The following DOCK9 variants were observed in gnomAD, a reference collection of about 807,000 sequenced individuals.
DOCK9 encodes the protein dedicator of cytokinesis 9.
In DOCK9, 89 loss-of-function variants were observed where a neutral mutation model predicts 263.3. That is an observed-to-expected ratio of 0.34 (90% CI 0.28 to 0.40). The LOEUF (loss-of-function observed/expected upper bound fraction) is 0.40, where lower values mean the gene tolerates loss of function less well. DOCK9 is among the 10% of genes least tolerant of loss of function. DOCK9 has a pLI of 1.00. For missense variants in DOCK9, 2,140 were observed against 2,603.4 expected (o/e 0.82, Z 3.87); for synonymous variants, 976 against 973.1 (o/e 1.00, Z -0.06).
intron 50 of DOCK9, 127 bp downstream of exon 50, chr13:98,800,161 G>T: frequency 9.9e-7 from 1 of 1,008,686 alleles, no homozygotes. Flanking sequence ...AGACGTTGGG[G>T]GAAGGGAGCA....
At chr13:99,063,449 C>T (rs545905415) in intron 1 of DOCK9, among the ~76,000 whole-genome samples, 2 of 152,208 alleles carry the variant, frequency 1.3e-5, no homozygotes, top group Non-Finnish European at 2.9e-5. Context: ...CTCCACCCTG[C>T]GACTCCCACA....
chr13:98,805,482 C>T (rs933833531), intron 48 of DOCK9, among the ~76,000 whole-genome samples: 6 of 151,986 alleles, frequency 3.9e-5, no homozygotes, highest in African/African-American at 7.3e-5. Flanking sequence ...AAGTGGTACA[C>T]GTCAGGATAC....
chr13:98,894,620 T>C (rs1437661346), intron 15 of DOCK9, among the ~76,000 whole-genome samples: 2 of 151,988 alleles, frequency 1.3e-5, no homozygotes, highest in Non-Finnish European at 2.9e-5. Context: ...TTGAAATCTA[T>C]CCAACTAAAG....
intron 12 of DOCK9, 91 bp downstream of exon 12, chr13:98,902,197 A>G: frequency 7.3e-7 from 1 of 1,373,492 alleles, no homozygotes; most frequent in Non-Finnish European, 9.9e-7. Flanking sequence ...CCACTTGTGC[A>G]TTACAAGGTC....
intron 1 of DOCK9, among the ~76,000 whole-genome samples, chr13:99,012,317 C>T (rs1343356276): frequency 6.6e-6 from 1 of 152,130 alleles, no homozygotes. Context: ...CTAGGCAGAC[C>T]AGGCATGTGG....
At chr13:98,979,449 G>A (rs949180301), upstream of DOCK9, among the ~76,000 whole-genome samples, 1 of 151,982 alleles carries the variant, frequency 6.6e-6, no homozygotes, top group African/African-American at 2.4e-5. Context: ...CCCAGTCCTC[G>A]CACAGCCGCC....
At chr13:98,879,386 CAG>C (rs1336363584) in intron 27 of DOCK9, among the ~76,000 whole-genome samples, 4 of 152,170 alleles carry the variant, frequency 2.6e-5, no homozygotes, top group Non-Finnish European at 1.5e-5. Context: ...TGGATAATCT[CAG>C]AGTCTGTTGA....
chr13:98,826,323 C>T (rs2092533821), intron 44 of DOCK9, among the ~76,000 whole-genome samples: 1 of 152,230 alleles, frequency 6.6e-6, no homozygotes, highest in Admixed American at 6.5e-5. Context: ...TCATGGCCTG[C>T]TCATCTGGGC....
In DOCK9 at chr13:98,831,474, C is replaced by T. The variant is rs1218450642; in HGVS notation, c.4509G>A (p.Glu1503=). Residue 1503 remains glutamate (E), a synonymous_variant, in exon 41 of 53, where the codon GAG becomes GAA. Coordinates refer to ENST00000682017, the MANE Select transcript of DOCK9 (RefSeq NM_001366683.2). ...GCTTGGAGTTACAGCACTTGAGAATCTCGTAACACAGAGCCGCACACATGT... is the reference window on the plus strand; with the variant it reads ...GCTTGGAGTTACAGCACTTGAGAATTTCGTAACACAGAGCCGCACACATGT... ...RADMCAALCY[E]ILKCCNSKLS... 6.3e-7 allele frequency: 1 copy of T among 1,594,052 alleles called. No individual in the cohort carries two copies.
At chr13:99,074,095 G>T (rs186408896) in intron 1 of DOCK9, among the ~76,000 whole-genome samples, 1 of 152,204 alleles carries the variant, frequency 6.6e-6, no homozygotes, top group African/African-American at 2.4e-5. Context: ...AGATAAAAAG[G>T]TGTTTTGCAA....
In DOCK9 at chr13:98,997,420, G is replaced by A. The variant is rs558923027; in HGVS notation, c.130-41869C>T. ...GACCAGCTCAGTCCTGCTGAGCCCC[G>A]CACCTCAGAGTTGCTTTGCCTAAAC... On this transcript the variant is annotated intron_variant, in intron 1 of 32. Coordinates refer to the DOCK9 transcript ENST00000427887. 1.6e-4 allele frequency among the ~76,000 whole-genome samples: 25 copies of A among 152,282 alleles called. No homozygotes were observed. In the South Asian group the frequency reaches 4.4e-3, roughly 27 times the overall value.
intron 37 of DOCK9, among the ~76,000 whole-genome samples, 170 bp downstream of exon 37, chr13:98,848,422 G>T (rs889537559): frequency 1.3e-5 from 2 of 152,186 alleles, no homozygotes; most frequent in South Asian, 2.1e-4. Flanking sequence ...TAGGAATGCA[G>T]ACCAAAGACA....
intron 1 of DOCK9, among the ~76,000 whole-genome samples, chr13:99,055,910 A>AT (rs993786890): frequency 9.2e-5 from 14 of 152,102 alleles, no homozygotes; most frequent in Admixed American, 3.3e-4. Flanking sequence ...AGAATCTGGG[A>AT]TTTTTTTCAG....
chr13:98,931,392 G>A (rs1447787223), intron 2 of DOCK9, among the ~76,000 whole-genome samples: 4 of 150,912 alleles, frequency 2.7e-5, no homozygotes, highest in East Asian at 2.0e-4. Context: ...TCCGCCTCCC[G>A]GGTTCACGCC....
chr13:98,808,074 C>T (rs1373938047), intron 47 of DOCK9, among the ~76,000 whole-genome samples: 1 of 152,100 alleles, frequency 6.6e-6, no homozygotes, highest in African/African-American at 2.4e-5. Context: ...ACTAAGCTGT[C>T]CCAGGGAAGT....
intron 1 of DOCK9, among the ~76,000 whole-genome samples, chr13:99,074,396 T>C (rs2041821820): frequency 6.6e-6 from 1 of 152,236 alleles, no homozygotes. Context: ...GAACATCATA[T>C]ACAAGAAGGC....
intron 10 of DOCK9, 113 bp from the exon 11 acceptor site, chr13:98,903,225 T>C: frequency 2.4e-6 from 2 of 817,792 alleles, no homozygotes; most frequent in Non-Finnish European, 1.8e-6. Flanking sequence ...TACACTTATT[T>C]ACTCACAATA....
intron 1 of DOCK9, among the ~76,000 whole-genome samples, chr13:98,955,841 C>T (rs2057993804): frequency 6.6e-6 from 1 of 152,232 alleles, no homozygotes; most frequent in Non-Finnish European, 1.5e-5. Flanking sequence ...GCTATGTCCC[C>T]TTCCAAGCTT....
intron 26 of DOCK9, 57 bp from the exon 27 acceptor site, chr13:98,880,026 T>G (rs1053823316): frequency 1.5e-6 from 2 of 1,332,954 alleles, no homozygotes; most frequent in African/African-American, 3.0e-5. Flanking sequence ...AGGTAAGACA[T>G]GAACTCTCTC....
Sources: gnomAD v4.1 joint callset for allele counts (sites outside exome capture counted in the v4.1 genomes callset) on GRCh38, gnomAD v4.1.1 for gene constraint, MANE v1.5 for transcripts, NCBI Gene and HGNC (gene_info 2026-07-23, HGNC 2026-07-21) for gene names.